The following DCDC1 variants were observed in gnomAD, a reference collection of about 807,000 sequenced individuals.
The protein encoded by DCDC1 is doublecortin domain containing 1, also known as doublecortin domain-containing protein 1.
DCDC1 carries 200 observed loss-of-function variants against 178.3 expected under a neutral mutation model. The observed-to-expected ratio is 1.12, with a 90% CI of 1.00 to 1.26. DCDC1 has a LOEUF of 1.26. Ranked by LOEUF, DCDC1 falls within the 50% of genes most tolerant of loss-of-function variation. DCDC1 has a pLI of 0.00. For synonymous variants in DCDC1, 690 were observed against 604.8 expected (o/e 1.14, Z -2.07); for missense variants, 1,983 against 1,749.2 (o/e 1.13, Z -2.38).
chr11:31,197,390 T>G (rs935266341), intron 9 of DCDC1, among the ~76,000 whole-genome samples: 2 of 152,140 alleles, frequency 1.3e-5, no homozygotes, highest in Non-Finnish European at 2.9e-5. Context: ...TTAATCAGTA[T>G]AGCAATAATG....
chr11:31,282,280 C>G (rs1273170705), intron 7 of DCDC1, among the ~76,000 whole-genome samples: 1 of 151,578 alleles, frequency 6.6e-6, no homozygotes, highest in Non-Finnish European at 1.5e-5. Flanking sequence ...TATAAATTTT[C>G]TTCTGTCTCA....
At chr11:31,352,422 TAAA>T (rs1381948058) in intron 1 of DCDC1, among the ~76,000 whole-genome samples, 2 of 152,136 alleles carry the variant, frequency 1.3e-5, no homozygotes, top group East Asian at 3.8e-4. Context: ...TTCAGCATAA[TAAA>T]AACATGATAG....
At chr11:31,252,960 T>C (rs1184209944) in intron 8 of DCDC1, among the ~76,000 whole-genome samples, 2 of 152,014 alleles carry the variant, frequency 1.3e-5, no homozygotes. Flanking sequence ...AGATCAAAAG[T>C]AAATCAATCA....
chr11:30,920,411 T>C (rs2134238180), intron 25 of DCDC1, among the ~76,000 whole-genome samples: 1 of 152,296 alleles, frequency 6.6e-6, no homozygotes, highest in Admixed American at 6.5e-5. Context: ...TCCAGAAAGA[T>C]AACTGTATAT....
At chr11:31,100,954 T>A (rs1958466103) in intron 15 of DCDC1, among the ~76,000 whole-genome samples, 1 of 152,212 alleles carries the variant, frequency 6.6e-6, no homozygotes, top group Non-Finnish European at 1.5e-5. Flanking sequence ...ACTTTAATCT[T>A]CTATATTTTC....
chr11:31,070,342 A>C (rs1458797581), intron 18 of DCDC1, among the ~76,000 whole-genome samples: 2 of 152,048 alleles, frequency 1.3e-5, no homozygotes, highest in Non-Finnish European at 2.9e-5. Context: ...CTTCCCTTCA[A>C]CTTCACCAGT....
At chr11:30,950,938 T>C (rs1441387643) in intron 21 of DCDC1, among the ~76,000 whole-genome samples, 1 of 152,134 alleles carries the variant, frequency 6.6e-6, no homozygotes, top group Non-Finnish European at 1.5e-5. Flanking sequence ...CATTACACAC[T>C]ACATGATATG....
At chr11:31,135,494 TAA>T (rs1210505979) in intron 10 of DCDC1, among the ~76,000 whole-genome samples, 1 of 152,202 alleles carries the variant, frequency 6.6e-6, no homozygotes, top group Non-Finnish European at 1.5e-5. Context: ...AGGACTTTTC[TAA>T]AAAGAGTCTT....
At chr11:31,034,050 A>C (rs1953849524) in intron 20 of DCDC1, among the ~76,000 whole-genome samples, 1 of 150,480 alleles carries the variant, frequency 6.6e-6, no homozygotes, top group South Asian at 2.1e-4. Flanking sequence ...AGGCTTAGGT[A>C]GGAGAATTGC....
At chr11:31,066,748 G>C (rs1956273510) in intron 18 of DCDC1, among the ~76,000 whole-genome samples, 1 of 152,124 alleles carries the variant, frequency 6.6e-6, no homozygotes, top group Admixed American at 6.6e-5. Flanking sequence ...AGGGTTTTTA[G>C]GGCTGTTAAA....
intron 20 of DCDC1, among the ~76,000 whole-genome samples, chr11:30,999,753 T>C (rs996691430): frequency 3.9e-5 from 6 of 152,198 alleles, no homozygotes; most frequent in African/African-American, 9.7e-5. Flanking sequence ...GGAGAGCTTA[T>C]ATTTTTAAGA....
chr11:31,078,143 A>G lies in DCDC1; in HGVS notation c.2238-218T>C, dbSNP rs139455341. ...CTCTGGTACCCTAAGCGGGGTAAGT[A>G]TGTGCATATGTGTGTTACCAGTAGC... On this transcript the variant is annotated intron_variant, in intron 17 of 38. Transcript: ENST00000684477. Among the ~76,000 whole-genome samples, 804 of 152,354 alleles carry G rather than the reference A, an allele frequency of 5.3e-3. 10 individuals are homozygous for G. The highest frequency in any genetic ancestry group is 0.018 in the African/African-American group (768 of 41,592).
At chr11:31,185,454 A>T (rs1165907753) in intron 9 of DCDC1, among the ~76,000 whole-genome samples, 2 of 152,070 alleles carry the variant, frequency 1.3e-5, no homozygotes, top group Non-Finnish European at 2.9e-5. Flanking sequence ...AAATAAAATA[A>T]AGATTAGCAG....
At chr11:30,960,822 G>A (rs1375995027) in intron 20 of DCDC1, among the ~76,000 whole-genome samples, 1 of 151,984 alleles carries the variant, frequency 6.6e-6, no homozygotes, top group African/African-American at 2.4e-5. Flanking sequence ...AGCTTCAAAG[G>A]CAATTTTATT....
At chr11:31,345,598 A>G (rs1340521780) in intron 1 of DCDC1, among the ~76,000 whole-genome samples, 2 of 152,128 alleles carry the variant, frequency 1.3e-5, no homozygotes, top group Non-Finnish European at 2.9e-5. Flanking sequence ...TAAAAAAAAA[A>G]ATAAAAGATG....
At chr11:31,239,124 C>T (rs887171952) in intron 9 of DCDC1, among the ~76,000 whole-genome samples, 1 of 151,868 alleles carries the variant, frequency 6.6e-6, no homozygotes, top group African/African-American at 2.4e-5. Flanking sequence ...GAAATAATAT[C>T]AAGAATAATC....
chr11:31,189,048 G>A (rs1036333445), intron 9 of DCDC1, among the ~76,000 whole-genome samples: 4 of 152,136 alleles, frequency 2.6e-5, no homozygotes, highest in Non-Finnish European at 5.9e-5. Context: ...ATCAGACACC[G>A]AATTTGTTGG....
At chr11:31,219,529 C>T (rs10835753) in intron 9 of DCDC1, among the ~76,000 whole-genome samples, 40,015 of 151,914 alleles carry the variant, frequency 0.26, 5,425 homozygotes, top group African/African-American at 0.32. Flanking sequence ...ATATTTAGTG[C>T]ATTCAAATAA....
rs149146052 is a variant in DCDC1, at chr11:31,342,822, G to A, written c.-124-7258C>T. On this transcript the variant is annotated intron_variant, in intron 1 of 38. Transcript: ENST00000684477. ...GATATAATCCAATTATTAAAAAAAC[G>A]AAATTTGAATATAACTATTCAAAAA... Among the ~76,000 whole-genome samples, 486 of 152,244 alleles carry A rather than the reference G, an allele frequency of 3.2e-3. 1 individual carries two copies. Among genetic ancestry groups the A allele is most frequent in the Non-Finnish European group, 5.6e-3 (380 of 68,006 alleles).
Sources: gnomAD v4.1 joint callset for allele counts (sites outside exome capture counted in the v4.1 genomes callset) on GRCh38, gnomAD v4.1.1 for gene constraint, MANE v1.5 for transcripts, NCBI Gene and HGNC (gene_info 2026-07-23, HGNC 2026-07-21) for gene names.